ZGRF1: variants seen among roughly 807,000 people sequenced by gnomAD.
ZGRF1 encodes the protein zinc finger GRF-type containing 1.
Under a neutral mutation model 203.5 loss-of-function variants are expected in ZGRF1, and 196 were observed. That is an observed-to-expected ratio of 0.96 (90% CI 0.86 to 1.08). ZGRF1 has a LOEUF of 1.08. Ranked by LOEUF, ZGRF1 falls within the 50% of genes least tolerant of loss-of-function variation. The pLI is 0.00. For synonymous variants in ZGRF1, 809 were observed against 841.3 expected (o/e 0.96, Z 0.66); for missense variants, 2,326 against 2,416.3 (o/e 0.96, Z 0.78).
At position 112,587,266 on chromosome 4, in the gene ZGRF1, G is replaced by C. The variant is rs774160946; in HGVS notation, c.3777+14C>G. On this transcript the variant is annotated intron_variant, in intron 12 of 27. Transcript: ENST00000505019. Reference sequence around the variant, plus strand: ...ATTGGAAAAATGCACCACAAGACCGGTACATTTCCTCACCTGTAAATCCTT... The same window carrying C: ...ATTGGAAAAATGCACCACAAGACCGCTACATTTCCTCACCTGTAAATCCTT... 3.2e-6 allele frequency: 5 copies of C among 1,585,752 alleles called. No homozygotes were observed. In the Admixed American group the frequency reaches 8.8e-5, roughly 28 times the overall value.
chr4:112,599,658 G>A (rs1454688138), intron 10 of ZGRF1, among the ~76,000 whole-genome samples: 2 of 151,928 alleles, frequency 1.3e-5, no homozygotes, highest in African/African-American at 4.8e-5. Flanking sequence ...GGAGTTTGAA[G>A]CTGCAATGAG....
chr4:112,574,829 C>A (rs190055674), intron 16 of ZGRF1, among the ~76,000 whole-genome samples: 4 of 152,146 alleles, frequency 2.6e-5, no homozygotes, highest in Admixed American at 1.3e-4. Context: ...AGTTCAAGAC[C>A]AGGCTGGCCA....
Position 112,554,780 on chromosome 4 carries a change from A to G in ZGRF1, c.5123T>C (p.Leu1708Pro), listed in dbSNP as rs1450338728. Residue 1708 changes from leucine to proline, a missense_variant and splice_region_variant, in exon 21 of 28, where the codon CTT becomes CCT. Coordinates refer to ENST00000505019, the MANE Select transcript of ZGRF1 (RefSeq NM_018392.5). ...AAAGTTTTCAAATCCAAGACTGAGA[A>G]GCCTTTAAATAAGAAAACAATATAG... is the stretch of plus-strand genomic sequence containing the variant. ...NVAVDRVLLG[L>P]LSLGFENFIR... 1 of 1,509,212 alleles carries G rather than the reference A, an allele frequency of 6.6e-7. No individual in the cohort carries two copies. Among genetic ancestry groups the G allele is most frequent in the South Asian group, 1.2e-5 (1 of 82,602 alleles). The allele number at this position is 1,509,212 out of a possible 1,614,324, so 93.5% of individuals were successfully genotyped here.
At chr4:112,630,632 T>C (rs1049938731) in intron 3 of ZGRF1, among the ~76,000 whole-genome samples, 13 of 152,070 alleles carry the variant, frequency 8.5e-5, no homozygotes, top group Non-Finnish European at 4.4e-5. Context: ...GTGACTCAAC[T>C]GTAATAAAGT....
chr4:112,617,188 G>A (rs1005038568), intron 6 of ZGRF1, among the ~76,000 whole-genome samples: 7 of 152,118 alleles, frequency 4.6e-5, no homozygotes, highest in South Asian at 2.1e-4. Flanking sequence ...GCTTATATAC[G>A]CATAGAATAT....
At chr4:112,613,928 T>A (rs540388161) in intron 6 of ZGRF1, among the ~76,000 whole-genome samples, 1 of 152,346 alleles carries the variant, frequency 6.6e-6, no homozygotes, top group East Asian at 1.9e-4. Flanking sequence ...GATTTCATTG[T>A]TTTCCTGCTA....
chr4:112,571,193 A>G (rs1578315086), intron 16 of ZGRF1, among the ~76,000 whole-genome samples: 2 of 152,148 alleles, frequency 1.3e-5, no homozygotes, highest in African/African-American at 4.8e-5. Flanking sequence ...TTAGCTAAGT[A>G]TCAAGCTTAA....
Position 112,618,571 on chromosome 4 carries a change from T to A in ZGRF1, c.1471A>T (p.Asn491Tyr). The A allele has an allele frequency of 6.2e-7, 1 of 1,613,692 alleles. No homozygotes were observed. Among genetic ancestry groups the A allele is most frequent in the Non-Finnish European group, 8.5e-7 (1 of 1,179,826 alleles). Residue 491 changes from asparagine (N) to tyrosine (Y), a missense_variant, in exon 6 of 28, where the codon AAT becomes TAT. Asn to Tyr is a moderately radical substitution (Grantham distance 143). Coordinates refer to ENST00000505019, the MANE Select transcript of ZGRF1 (RefSeq NM_018392.5). Reference sequence around the variant, plus strand: ...ATGTCATCAGAGATCCTAGAATTATTACTAGATTCAATTTGGAGATGTTTC... The same window carrying A: ...ATGTCATCAGAGATCCTAGAATTATAACTAGATTCAATTTGGAGATGTTTC... ...ELKHLQIESS[N>Y]NSRISDDITD...
chr4:112,587,252 GCA>G, intron 12 of ZGRF1, 26 bp downstream of exon 12: 1 of 1,546,488 alleles, frequency 6.5e-7, no homozygotes, highest in Non-Finnish European at 8.7e-7. Flanking sequence ...TTGGAAAAAT[GCA>G]CCACAAGACC....
chr4:112,576,991 T>C (rs935523095), intron 16 of ZGRF1, among the ~76,000 whole-genome samples: 1 of 150,828 alleles, frequency 6.6e-6, no homozygotes, highest in Admixed American at 6.7e-5. Flanking sequence ...TTCACCAAAG[T>C]TGAAATGAAG....
At chr4:112,614,155 T>A (rs1340479290) in intron 6 of ZGRF1, among the ~76,000 whole-genome samples, 1 of 151,750 alleles carries the variant, frequency 6.6e-6, no homozygotes, top group East Asian at 2.0e-4. Context: ...TTTCTTCTTC[T>A]CTAATTTTGC....
rs757323782 is a variant in ZGRF1, at chr4:112,587,848, G to A, written c.3209C>T (p.Thr1070Ile). ...AGGTGGCCCATCAGTACGTGGCAAA[G>A]TAATAAGTGGAACCTGGGTTCTACT... Reference protein sequence around the residue: ...LLSRTQVPLITLPRTDGPPDL... With the variant: ...LLSRTQVPLIILPRTDGPPDL... The change falls in exon 12 of 28, where the codon ACT becomes ATT. Residue 1070 changes from threonine to isoleucine, a missense_variant. By Grantham distance (89) the Thr-to-Ile change is moderately conservative (BLOSUM62 -1). Coordinates refer to ENST00000505019, the MANE Select transcript of ZGRF1 (RefSeq NM_018392.5). 1.2e-5 allele frequency: 18 copies of A among 1,551,296 alleles called. No individual in the cohort carries two copies. The highest frequency in any genetic ancestry group is 1.7e-4 in the Middle Eastern group (1 of 5,992).
rs1747068648 is a variant in ZGRF1, at chr4:112,585,739, A to C, written c.3917-14T>G. On this transcript the variant is annotated splice_polypyrimidine_tract_variant and intron_variant, in intron 13 of 27. Transcript: ENST00000505019. ...TATTTAGATGTTCTACAAAAAAAAA[A>C]AAAAGAGAGCAGAAAATTAAATACA... 1 of 1,538,364 alleles carries C rather than the reference A, an allele frequency of 6.5e-7. No homozygotes were observed. The highest frequency in any genetic ancestry group is 1.2e-5 in the South Asian group (1 of 80,208).
At chr4:112,541,313 C>A in intron 24 of ZGRF1, 45 bp from the exon 25 acceptor site, 1 of 1,113,942 alleles carries the variant, frequency 9.0e-7, no homozygotes, top group Non-Finnish European at 1.3e-6. Context: ...TTTTTTTGTT[C>A]TTCTAGGGAA....
chr4:112,594,220 T>C (rs1748622045), intron 10 of ZGRF1, among the ~76,000 whole-genome samples: 1 of 152,142 alleles, frequency 6.6e-6, no homozygotes, highest in Non-Finnish European at 1.5e-5. Context: ...CATCAATCTA[T>C]ACCCAAGTCT....
In ZGRF1 at chr4:112,583,983, C is replaced by G; in HGVS notation, c.4293G>C (p.Leu1431Phe). The G allele has an allele frequency of 6.3e-7, 1 of 1,595,464 alleles. No homozygotes were observed. The highest frequency in any genetic ancestry group is 8.5e-7 in the Non-Finnish European group (1 of 1,171,772). Residue 1431 changes from leucine to phenylalanine, a missense_variant, in exon 15 of 28, where the codon TTG becomes TTC. Coordinates refer to ENST00000505019, the MANE Select transcript of ZGRF1 (RefSeq NM_018392.5). ...TTTGGTACTATAAAACATACCTCAC[C>G]AAAAGCTGGCATTCCTCATAAAGTG... ...KIPLYEECQL[L>F]VRKGFDFQRK...
rs767947921 is a variant in ZGRF1 at position 112,539,639 on chromosome 4, G to A, written c.6223C>T (p.His2075Tyr). The change falls in exon 28 of 28, where the codon CAT becomes TAT. Residue 2075 changes from histidine to tyrosine, a missense_variant. Transcript: ENST00000505019. Reference protein sequence around the residue: ...HANQYEPQLNHLLKDYFEKQV... With the variant: ...HANQYEPQLNYLLKDYFEKQV... ...TTTTCAAAATAATCTTTAAGGAGAT[G>A]GTTCAGCTGTGGTTCATACTGGTTT... 1.9e-6 allele frequency: 3 copies of A among 1,605,610 alleles called. No homozygotes were observed. The highest frequency in any genetic ancestry group is 2.6e-6 in the Non-Finnish European group (3 of 1,175,590).
chr4:112,584,118 T>C lies in ZGRF1; in HGVS notation c.4158A>G (p.Lys1386=). Residue 1386 remains lysine (K), a synonymous_variant, in exon 15 of 28, where the codon AAA becomes AAG. Coordinates refer to ENST00000505019, the MANE Select transcript of ZGRF1 (RefSeq NM_018392.5). ...GPKADRCKFF[K]WLEDVTPGYS... ...ATCCTGGAGTCACGTCCTCAAGCCA[T>C]TTAAAGAATTTACATCGATCAGCTT... 3.7e-6 allele frequency: 6 copies of C among 1,613,608 alleles called. No homozygotes were observed. The highest frequency in any genetic ancestry group is 5.1e-6 in the Non-Finnish European group (6 of 1,179,674).
At chr4:112,586,396 A>T in intron 13 of ZGRF1, 49 bp downstream of exon 13, 2 of 1,414,418 alleles carry the variant, frequency 1.4e-6, no homozygotes, top group Non-Finnish European at 9.5e-7. Context: ...CAATTTTACT[A>T]CTTACATGAA....
Sources: allele counts gnomAD v4.1 joint callset (sites outside exome capture counted in the v4.1 genomes callset), GRCh38; gene constraint gnomAD v4.1.1; transcripts MANE v1.5; gene names NCBI Gene and HGNC (gene_info 2026-07-23, HGNC 2026-07-21).